The following HERPUD2 variants were observed in gnomAD, a reference collection of about 807,000 sequenced individuals.
HERPUD2 encodes homocysteine-responsive endoplasmic reticulum-resident ubiquitin-like domain member 2 protein.
Under a neutral mutation model 49.9 loss-of-function variants are expected in HERPUD2, and 13 were observed. The ratio of observed to expected loss-of-function variants is 0.26; its 90% CI spans 0.17 to 0.41. HERPUD2 has a LOEUF of 0.41. Among genes scored for constraint, HERPUD2 ranks in the 10% least tolerant of loss-of-function variants. HERPUD2 has a pLI of 1.00. For missense variants in HERPUD2, 449 were observed against 492.2 expected, an observed-to-expected ratio of 0.91 and a Z score of 0.83; for synonymous variants, 172 against 171.4, an observed-to-expected ratio of 1.00 and a Z score of -0.03.
At position 35,633,551 on chromosome 7, in the gene HERPUD2, T is replaced by C. The variant is rs756873596; in HGVS notation, c.*139A>G. On this transcript the variant is annotated 3_prime_UTR_variant, in exon 9 of 9. Transcript: ENST00000311350. ...TCCATTCGTGCTTAAAATATTCATA[T>C]GCATGAGAAGCCTAAAGAAAAAAAA... The C allele has an allele frequency of 1.2e-5, 7 of 572,890 alleles. No individual in the cohort carries two copies. Among genetic ancestry groups the C allele is most frequent in the Non-Finnish European group, 1.8e-5 (6 of 339,688 alleles). The allele number at this position is 572,890 out of a possible 1,614,324, so 35.5% of individuals were successfully genotyped here.
chr7:35,633,961 T>A, intron 8 of HERPUD2, 110 bp from the exon 9 acceptor site: 1 of 1,151,838 alleles, frequency 8.7e-7, no homozygotes, highest in Non-Finnish European at 1.2e-6. Flanking sequence ...GTGGTATGTA[T>A]GTGGTCATTA....
intron 2 of HERPUD2, among the ~76,000 whole-genome samples, chr7:35,685,972 A>AT (rs1223275571): frequency 6.6e-6 from 1 of 151,982 alleles, no homozygotes; most frequent in Non-Finnish European, 1.5e-5. Flanking sequence ...AAATAAATAA[A>AT]TAAATAAATA....
chr7:35,643,451 C>T (rs944012657), intron 5 of HERPUD2, among the ~76,000 whole-genome samples: 3 of 152,004 alleles, frequency 2.0e-5, no homozygotes, highest in Non-Finnish European at 4.4e-5. Flanking sequence ...AATTAGTATG[C>T]GGCTATAAAA....
chr7:35,635,166 T>C lies in HERPUD2; in HGVS notation c.910A>G (p.Met304Val), dbSNP rs1189813440. ...YFYSSFSRFI[M>V]VMGAMLLVYL... is the part of the protein sequence containing the mutation. ...ACCAGTAGCATGGCTCCCATTACCA[T>C]GATAAACCGACTAAAAGAAGAATAG... The change falls in exon 7 of 9, where the codon ATG (methionine) becomes GTG (valine). Residue 304 changes from methionine to valine, a missense_variant. Met to Val is a conservative substitution (Grantham distance 21, BLOSUM62 1). Coordinates refer to ENST00000311350, the MANE Select transcript of HERPUD2 (RefSeq NM_022373.5). The C allele has an allele frequency of 1.2e-6, 2 of 1,613,956 alleles. No individual in the cohort carries two copies. Among genetic ancestry groups the C allele is most frequent in the East Asian group, 2.2e-5 (1 of 44,892 alleles).
chr7:35,635,980 C>T (rs1279506115), intron 6 of HERPUD2, among the ~76,000 whole-genome samples: 1 of 152,158 alleles, frequency 6.6e-6, no homozygotes, highest in Non-Finnish European at 1.5e-5. Flanking sequence ...ACAACCCTTC[C>T]ACCCCAATAC....
chr7:35,652,142 C>G (rs1312883639), intron 5 of HERPUD2, among the ~76,000 whole-genome samples: 1 of 152,268 alleles, frequency 6.6e-6, no homozygotes, highest in African/African-American at 2.4e-5. Flanking sequence ...CATACTGAAA[C>G]TAATTTTACA....
At chr7:35,656,653 A>T (rs1785280979) in intron 5 of HERPUD2, among the ~76,000 whole-genome samples, 2 of 152,198 alleles carry the variant, frequency 1.3e-5, no homozygotes, top group Admixed American at 6.5e-5. Context: ...GAAGACAGAA[A>T]TAAATCCAGG....
At position 35,644,578 on chromosome 7, in the gene HERPUD2, G is replaced by A. The variant is rs1435182727; in HGVS notation, c.495-6106C>T. 2.0e-5 allele frequency among the ~76,000 whole-genome samples: 3 copies of A among 152,096 alleles called. 1 individual carries two copies. Among genetic ancestry groups the A allele is most frequent in the Non-Finnish European group, 4.4e-5 (3 of 68,018 alleles). ...AGCTCAGGAGTTGGAGACCAGCCTGGCCAACATGGTGAAACCCCATCTCTA... is the reference window on the plus strand; with the variant it reads ...AGCTCAGGAGTTGGAGACCAGCCTGACCAACATGGTGAAACCCCATCTCTA... On this transcript the variant is annotated intron_variant, in intron 5 of 8. Coordinates refer to ENST00000311350, the MANE Select transcript of HERPUD2 (RefSeq NM_022373.5).
At chr7:35,654,630 A>C (rs548771196) in intron 5 of HERPUD2, among the ~76,000 whole-genome samples, 1 of 151,458 alleles carries the variant, frequency 6.6e-6, no homozygotes, top group African/African-American at 2.4e-5. Flanking sequence ...CCAACAAAGA[A>C]AAGTCCAGGA....
intron 5 of HERPUD2, among the ~76,000 whole-genome samples, chr7:35,650,609 G>A (rs922770083): frequency 6.6e-6 from 1 of 152,112 alleles, no homozygotes; most frequent in Non-Finnish European, 1.5e-5. Flanking sequence ...GTGCATGAGG[G>A]ATAACTGATG....
rs1786263956 is a variant in HERPUD2 at position 35,694,229 on chromosome 7, C to G, written c.102G>C (p.Val34=). Reference sequence around the variant, plus strand: ...TAGATAGATGCGTTTTTAGTTTCCCCACGGTCCAGTTCAAGAAGCAGCTAA... The same window carrying G: ...TAGATAGATGCGTTTTTAGTTTCCCGACGGTCCAGTTCAAGAAGCAGCTAA... ...QTISCFLNWT[V]GKLKTHLSNV... Residue 34 remains valine, a synonymous_variant, in exon 2 of 9, where the codon GTG becomes GTC. Transcript: ENST00000311350. 2.5e-6 allele frequency: 4 copies of G among 1,614,060 alleles called. No individual in the cohort carries two copies. In the East Asian group the frequency reaches 6.7e-5, roughly 27 times the overall value.
chr7:35,667,759 T>A (rs1028760688), intron 4 of HERPUD2, among the ~76,000 whole-genome samples, 171 bp from the exon 5 acceptor site: 1 of 152,154 alleles, frequency 6.6e-6, no homozygotes, highest in African/African-American at 2.4e-5. Flanking sequence ...TTTTAGTACG[T>A]CAAAACTTAT....
intron 5 of HERPUD2, among the ~76,000 whole-genome samples, chr7:35,650,856 C>T (rs922759877): frequency 5.9e-5 from 9 of 152,168 alleles, no homozygotes; most frequent in African/African-American, 1.2e-4. Flanking sequence ...ACGCCATCCT[C>T]GCCTACCAGA....
intron 2 of HERPUD2, among the ~76,000 whole-genome samples, chr7:35,688,391 A>T (rs766433082): frequency 1.3e-5 from 2 of 152,220 alleles, no homozygotes; most frequent in Non-Finnish European, 2.9e-5. Context: ...CTCCAAAGAG[A>T]TATTCCCAGC....
intron 5 of HERPUD2, among the ~76,000 whole-genome samples, chr7:35,651,303 C>T (rs1785162275): frequency 1.3e-5 from 2 of 152,170 alleles, no homozygotes; most frequent in African/African-American, 4.8e-5. Flanking sequence ...CCATCTCACA[C>T]TGGTGCCAGC....
intron 5 of HERPUD2, among the ~76,000 whole-genome samples, chr7:35,638,910 T>C (rs180978586): frequency 8.5e-5 from 13 of 152,288 alleles, no homozygotes; most frequent in Non-Finnish European, 2.9e-5. Context: ...TATTAAAATA[T>C]AGCAGCTATG....
intron 5 of HERPUD2, among the ~76,000 whole-genome samples, chr7:35,653,853 T>C (rs1410887948): frequency 2.0e-5 from 3 of 152,124 alleles, no homozygotes; most frequent in African/African-American, 7.2e-5. Flanking sequence ...AAAAAATGTT[T>C]GTGGTGTGTA....
chr7:35,684,869 C>T (rs112737492), intron 2 of HERPUD2, among the ~76,000 whole-genome samples: 3,306 of 152,130 alleles, frequency 0.022, 122 homozygotes, highest in African/African-American at 0.075. Context: ...TAACCAAACA[C>T]CACCTGTTAC....
At chr7:35,662,237 G>T (rs1785440797) in intron 5 of HERPUD2, among the ~76,000 whole-genome samples, 1 of 152,198 alleles carries the variant, frequency 6.6e-6, no homozygotes, top group Non-Finnish European at 1.5e-5. Context: ...CTTGATCGTG[G>T]TGGATAAGCT....
Sources: gnomAD v4.1 joint callset for allele counts (sites outside exome capture counted in the v4.1 genomes callset) on GRCh38, gnomAD v4.1.1 for gene constraint, MANE v1.5 for transcripts, NCBI Gene and HGNC (gene_info 2026-07-23, HGNC 2026-07-21) for gene names.